ITGA9: variants seen among roughly 807,000 people sequenced by gnomAD.
ITGA9 encodes the protein integrin subunit alpha 9.
ITGA9 carries 56 observed loss-of-function variants against 127.8 expected under a neutral mutation model. The ratio of observed to expected loss-of-function variants is 0.44; its 90% CI spans 0.35 to 0.55. ITGA9 has a LOEUF of 0.55. Ranked by LOEUF, ITGA9 falls within the 20% of genes least tolerant of loss-of-function variation. ITGA9 has a pLI of 0.00. For synonymous variants in ITGA9, 508 were observed against 514.5 expected (o/e 0.99, Z 0.17); for missense variants, 1,196 against 1,347.1 (o/e 0.89, Z 1.76).
chr3:37,538,243 G>A (rs267541), intron 14 of ITGA9, among the ~76,000 whole-genome samples: 80,477 of 152,156 alleles, frequency 0.53, 21,641 homozygotes, highest in East Asian at 0.73. Flanking sequence ...TTGTTCTGAC[G>A]GAGAGCAGGA....
chr3:37,453,858 A>T (rs1340180266), intron 1 of ITGA9, among the ~76,000 whole-genome samples: 1 of 152,122 alleles, frequency 6.6e-6, no homozygotes, highest in African/African-American at 2.4e-5. Context: ...CTTCAAGAGA[A>T]CCAGTTTTCA....
chr3:37,568,035 A>G lies in ITGA9; in HGVS notation c.1689+25450A>G, dbSNP rs548787103. 1.2e-4 allele frequency among the ~76,000 whole-genome samples: 19 copies of G among 152,190 alleles called. No individual in the cohort carries two copies. The South Asian group carries it at 3.1e-3, about 25-fold the overall frequency. ...CTCTGACCCCACATTTCCCTTCCACACTGTCCTAGCAGAGGTTCTTTATGA... is the reference window on the plus strand; with the variant it reads ...CTCTGACCCCACATTTCCCTTCCACGCTGTCCTAGCAGAGGTTCTTTATGA... On this transcript the variant is annotated intron_variant, in intron 15 of 27. Transcript: ENST00000264741.
Position 37,755,814 on chromosome 3 carries a change from G to A in ITGA9, c.2541+5245G>A, listed in dbSNP as rs149005441. 7.5e-3 allele frequency among the ~76,000 whole-genome samples: 1,135 copies of A among 151,926 alleles called. 10 individuals carry two copies. Among genetic ancestry groups the A allele is most frequent in the Middle Eastern group, 0.017 (5 of 294 alleles). On this transcript the variant is annotated intron_variant, in intron 23 of 27. Transcript: ENST00000264741. Reference sequence around the variant, plus strand: ...AAAGCAAGTCAAGATTCTTGTCTTGGGGGGACAAGTTTATGTACCAATTAG... The same window carrying A: ...AAAGCAAGTCAAGATTCTTGTCTTGAGGGGACAAGTTTATGTACCAATTAG...
At position 37,629,838 on chromosome 3, in the gene ITGA9, G is replaced by A. The variant is rs1415826698; in HGVS notation, c.1839+502G>A. On this transcript the variant is annotated intron_variant, in intron 16 of 27. Coordinates refer to ENST00000264741, the MANE Select transcript of ITGA9 (RefSeq NM_002207.3). This position sits in a 1 kb window ranked among gnomAD's most constrained non-coding sequence, Gnocchi z 4.5. ...GTCCACACTCATCAGATTCTGGGAT[G>A]TGCGGCTGTGTAGAGAAGCTTTAGT... 6.6e-6 allele frequency among the ~76,000 whole-genome samples: 1 copy of A among 152,210 alleles called. No individual in the cohort carries two copies. Among genetic ancestry groups the A allele is most frequent in the East Asian group, 1.9e-4 (1 of 5,196 alleles).
chr3:37,752,987 G>T lies in ITGA9; in HGVS notation c.2541+2418G>T, dbSNP rs1357852179. On this transcript the variant is annotated intron_variant, in intron 23 of 27. Transcript: ENST00000264741. ...TATTTACCTTAAAAACAGAGCCACGGTGGTGGCCTGAGGAAAGACTATCAA... is the reference window on the plus strand; with the variant it reads ...TATTTACCTTAAAAACAGAGCCACGTTGGTGGCCTGAGGAAAGACTATCAA... Among the ~76,000 whole-genome samples the T allele has an allele frequency of 3.3e-5, 5 of 152,168 alleles. No individual in the cohort carries two copies. The East Asian group carries it at 9.6e-4, about 29-fold the overall frequency.
At chr3:37,622,050 G>T (rs1700133443) in intron 15 of ITGA9, among the ~76,000 whole-genome samples, 2 of 151,816 alleles carry the variant, frequency 1.3e-5, no homozygotes, top group African/African-American at 4.8e-5. Context: ...GAAGACTGTT[G>T]TAGTCAGCTG....
At chr3:37,552,997 C>T (rs974804020) in intron 15 of ITGA9, among the ~76,000 whole-genome samples, 2 of 141,694 alleles carry the variant, frequency 1.4e-5, no homozygotes, top group Non-Finnish European at 1.5e-5. Context: ...CCTAGGAGAC[C>T]GAGCAAGACT....
chr3:37,703,789 T>A (rs1700973798), intron 18 of ITGA9, among the ~76,000 whole-genome samples: 1 of 152,216 alleles, frequency 6.6e-6, no homozygotes. Flanking sequence ...CACTTTTTAT[T>A]AACGTGTTTA....
intron 27 of ITGA9, among the ~76,000 whole-genome samples, chr3:37,804,647 C>G (rs1327616822): frequency 1.3e-5 from 2 of 152,138 alleles, no homozygotes; most frequent in African/African-American, 4.8e-5. Context: ...CCACTGTGTC[C>G]CCAGCTCCAA....
intron 1 of ITGA9, among the ~76,000 whole-genome samples, chr3:37,467,256 G>A (rs933025480): frequency 5.3e-5 from 8 of 152,160 alleles, no homozygotes; most frequent in Non-Finnish European, 1.0e-4. Context: ...CAGGATTTGG[G>A]AAAAACCTTT....
At chr3:37,776,147 CAAA>C (rs1428529609) in intron 23 of ITGA9, among the ~76,000 whole-genome samples, 2 of 152,004 alleles carry the variant, frequency 1.3e-5, no homozygotes, top group Non-Finnish European at 2.9e-5. Context: ...CTCATGAACA[CAAA>C]GAAGGGAACA....
chr3:37,470,999 T>C lies in ITGA9; in HGVS notation c.186-8T>C, dbSNP rs758670193. 1 of 1,613,948 alleles carries C rather than the reference T, an allele frequency of 6.2e-7. No homozygotes were observed. Among genetic ancestry groups the C allele is most frequent in the Non-Finnish European group, 8.5e-7 (1 of 1,179,962 alleles). ...GTTGTGACAGAATGCCTTTTTCTCTTGCTGCAGGGTCCTTGTGGGCGCACC... is the reference window on the plus strand; with the variant it reads ...GTTGTGACAGAATGCCTTTTTCTCTCGCTGCAGGGTCCTTGTGGGCGCACC... On this transcript the variant is annotated splice_region_variant and splice_polypyrimidine_tract_variant and intron_variant, in intron 1 of 27. Coordinates refer to ENST00000264741, the MANE Select transcript of ITGA9 (RefSeq NM_002207.3).
intron 17 of ITGA9, among the ~76,000 whole-genome samples, chr3:37,665,667 C>T (rs942944635): frequency 2.0e-5 from 3 of 151,984 alleles, no homozygotes; most frequent in East Asian, 1.9e-4. Flanking sequence ...ATTGGCCAGG[C>T]GGGTCTCGAA....
At chr3:37,594,709 A>G (rs1353247773) in intron 15 of ITGA9, among the ~76,000 whole-genome samples, 1 of 152,200 alleles carries the variant, frequency 6.6e-6, no homozygotes, top group African/African-American at 2.4e-5. Context: ...ATGAGTAAAC[A>G]TTGATACAGT....
chr3:37,465,937 T>G (rs911190720), intron 1 of ITGA9, among the ~76,000 whole-genome samples: 1 of 152,138 alleles, frequency 6.6e-6, no homozygotes, highest in Middle Eastern at 3.2e-3. Flanking sequence ...GCACGGGTGA[T>G]GTATTTGACT....
At chr3:37,771,800 G>A (rs1164804147) in intron 23 of ITGA9, among the ~76,000 whole-genome samples, 14 of 152,122 alleles carry the variant, frequency 9.2e-5, no homozygotes. Flanking sequence ...GGTCTAGGCA[G>A]GAGTCATTTT....
intron 18 of ITGA9, among the ~76,000 whole-genome samples, chr3:37,711,115 C>T (rs947157553): frequency 2.0e-5 from 3 of 152,192 alleles, no homozygotes; most frequent in African/African-American, 4.8e-5. Context: ...TGTGGCCCCT[C>T]GCTTGGCTGG....
At chr3:37,818,571 T>A in intron 27 of ITGA9, 1 of 351,422 alleles carries the variant, frequency 2.8e-6, no homozygotes. Context: ...CCATGAAACC[T>A]TTTTTTACTC....
intron 6 of ITGA9, among the ~76,000 whole-genome samples, chr3:37,504,506 G>C (rs1384620188): frequency 6.6e-6 from 1 of 152,118 alleles, no homozygotes; most frequent in East Asian, 1.9e-4. Flanking sequence ...TGGGCTGGGA[G>C]CACCTTGAAG....
Sources: allele counts gnomAD v4.1 joint callset (sites outside exome capture counted in the v4.1 genomes callset), GRCh38; gene constraint gnomAD v4.1.1; non-coding constraint Gnocchi (gnomAD v3.1); transcripts MANE v1.5; gene names NCBI Gene and HGNC (gene_info 2026-07-23, HGNC 2026-07-21).